Variants in LUZP2 observed in about 807,000 individuals in gnomAD.
LUZP2 encodes the protein leucine zipper protein 2.
Under a neutral mutation model 51.6 loss-of-function variants are expected in LUZP2, and 52 were observed. The ratio of observed to expected loss-of-function variants is 1.01; its 90% CI spans 0.81 to 1.27. The LOEUF is 1.27. Ranked by LOEUF, LUZP2 falls within the 50% of genes most tolerant of loss-of-function variation. The pLI is 0.00. For missense variants in LUZP2, 436 were observed against 395.4 expected (o/e 1.10, Z -0.87); for synonymous variants, 154 against 137.3 (o/e 1.12, Z -0.85).
chr11:24,953,915 A>T (rs539864055), intron 7 of LUZP2, among the ~76,000 whole-genome samples: 1 of 152,086 alleles, frequency 6.6e-6, no homozygotes. Flanking sequence ...CAACTATAAC[A>T]AGTACAGATG....
chr11:24,868,528 A>C (rs1347531606), intron 5 of LUZP2, among the ~76,000 whole-genome samples: 2 of 152,200 alleles, frequency 1.3e-5, no homozygotes, highest in South Asian at 4.2e-4. Context: ...TCTCTTGTTA[A>C]TCTGTCTTTT....
At chr11:24,760,571 A>G (rs1055024037) in intron 4 of LUZP2, among the ~76,000 whole-genome samples, 1 of 152,132 alleles carries the variant, frequency 6.6e-6, no homozygotes, top group Admixed American at 6.6e-5. Flanking sequence ...CTCTTTCTGT[A>G]TTATGTGTTC....
intron 1 of LUZP2, among the ~76,000 whole-genome samples, chr11:24,606,794 C>G (rs1251328977): frequency 6.6e-6 from 1 of 151,988 alleles, no homozygotes; most frequent in Non-Finnish European, 1.5e-5. Context: ...TTTTTCTCCA[C>G]CTACTTGCCA....
chr11:24,655,136 T>C (rs1471384733), intron 1 of LUZP2, among the ~76,000 whole-genome samples: 1 of 152,186 alleles, frequency 6.6e-6, no homozygotes, highest in Non-Finnish European at 1.5e-5. Flanking sequence ...GAAAAGATGC[T>C]TTCATTGAAA....
rs973870014 is a variant in LUZP2, at chr11:24,794,482, A to G, written c.396+31174A>G. ...TCCTTGAAGGCGAATCAAGAGATAT[A>G]GCAAACAAAAGGAAAATTAAAACCC... On this transcript the variant is annotated intron_variant, in intron 5 of 11. Transcript: ENST00000336930. Among the ~76,000 whole-genome samples, 4 of 152,170 alleles carry G rather than the reference A, an allele frequency of 2.6e-5. No individual in the cohort carries two copies. In the South Asian group the frequency reaches 6.2e-4, roughly 24 times the overall value.
intron 9 of LUZP2, among the ~76,000 whole-genome samples, chr11:25,012,419 C>G (rs547026018): frequency 1.6e-4 from 24 of 152,286 alleles, no homozygotes; most frequent in African/African-American, 5.8e-4. Flanking sequence ...ATTGGACTTC[C>G]GTCTACATCT....
intron 5 of LUZP2, among the ~76,000 whole-genome samples, chr11:24,833,838 A>G (rs1850779998): frequency 6.6e-6 from 1 of 152,090 alleles, no homozygotes; most frequent in Non-Finnish European, 1.5e-5. Flanking sequence ...GATAAGTATA[A>G]ATTGACCCAG....
chr11:24,914,412 T>C lies in LUZP2; in HGVS notation c.460-64T>C, dbSNP rs1853733708. The stretch of plus-strand genomic sequence containing the variant: ...TGTATTCCTGTGAAGTCTGAAAGTA[T>C]TTTAATCTTCAAGTTTGAAAATATA... On this transcript the variant is annotated intron_variant, in intron 6 of 11. Coordinates refer to ENST00000336930, the MANE Select transcript of LUZP2 (RefSeq NM_001009909.4). 6 of 1,231,914 alleles carry C rather than the reference T, an allele frequency of 4.9e-6. No homozygotes were observed. The South Asian group carries it at 6.3e-5, about 13-fold the overall frequency. 76.3% of individuals were successfully genotyped at this position (1,231,914 alleles called of 1,614,324 possible).
intron 9 of LUZP2, among the ~76,000 whole-genome samples, chr11:25,043,166 G>A (rs1234974846): frequency 6.6e-6 from 1 of 152,134 alleles, no homozygotes; most frequent in East Asian, 1.9e-4. Context: ...GATTTCTGTT[G>A]TTTTAAGCCA....
chr11:24,662,243 A>G (rs925193178), intron 1 of LUZP2, among the ~76,000 whole-genome samples: 1 of 152,180 alleles, frequency 6.6e-6, no homozygotes, highest in African/African-American at 2.4e-5. Context: ...CAGAGGCATG[A>G]GAAAACATCA....
chr11:24,874,341 G>C (rs1487060380), intron 5 of LUZP2, among the ~76,000 whole-genome samples: 2 of 152,130 alleles, frequency 1.3e-5, no homozygotes, highest in East Asian at 3.9e-4. Context: ...GAACACTCAG[G>C]GGGCTGTAGG....
intron 1 of LUZP2, among the ~76,000 whole-genome samples, chr11:24,503,005 A>G (rs1289501104): frequency 3.9e-5 from 6 of 152,212 alleles, no homozygotes; most frequent in Non-Finnish European, 8.8e-5. Context: ...GAAAAATTAA[A>G]GGAATAAAAG....
intron 9 of LUZP2, among the ~76,000 whole-genome samples, chr11:25,032,799 G>T (rs1307423844): frequency 6.6e-6 from 1 of 152,096 alleles, no homozygotes; most frequent in African/African-American, 2.4e-5. Flanking sequence ...TTGCAAGGGG[G>T]CCTTATACAA....
intron 1 of LUZP2, among the ~76,000 whole-genome samples, chr11:24,590,767 G>A (rs940498784): frequency 2.6e-5 from 4 of 152,046 alleles, no homozygotes; most frequent in Non-Finnish European, 4.4e-5. Context: ...TCAATCTCAG[G>A]ATATATGTGT....
intron 1 of LUZP2, among the ~76,000 whole-genome samples, chr11:24,574,267 T>TCTTG (rs74208338): frequency 1.5e-4 from 19 of 130,960 alleles, no homozygotes; most frequent in African/African-American, 5.3e-4. Context: ...TTTCTTGCTT[T>TCTTG]CTTTCTTTCT....
At chr11:24,935,883 G>C (rs1854572463) in intron 7 of LUZP2, among the ~76,000 whole-genome samples, 1 of 151,978 alleles carries the variant, frequency 6.6e-6, no homozygotes, top group African/African-American at 2.4e-5. Context: ...TTATCCTAAT[G>C]GTGATGCCAA....
chr11:24,806,703 C>G (rs1385834332), intron 5 of LUZP2, among the ~76,000 whole-genome samples: 1 of 152,012 alleles, frequency 6.6e-6, no homozygotes, highest in Non-Finnish European at 1.5e-5. Context: ...TAAAGTTCTC[C>G]TGTTATTTCT....
At chr11:24,985,778 C>T (rs759888867) in intron 9 of LUZP2, among the ~76,000 whole-genome samples, 1 of 151,538 alleles carries the variant, frequency 6.6e-6, no homozygotes, top group Non-Finnish European at 1.5e-5. Context: ...ACCAAGTGCC[C>T]GTATCCAGTA....
intron 1 of LUZP2, among the ~76,000 whole-genome samples, chr11:24,686,676 C>G (rs1157578855): frequency 6.6e-6 from 1 of 152,118 alleles, no homozygotes; most frequent in African/African-American, 2.4e-5. Context: ...TTTGTTTTCT[C>G]TCATGCTTGC....
Sources: allele counts gnomAD v4.1 joint callset (sites outside exome capture counted in the v4.1 genomes callset), GRCh38; gene constraint gnomAD v4.1.1; transcripts MANE v1.5; gene names NCBI Gene and HGNC (gene_info 2026-07-23, HGNC 2026-07-21).